The following DTWD1 variants were observed in gnomAD, a reference collection of about 807,000 sequenced individuals.
DTWD1 encodes the protein DTW motif tRNA-uridine aminocarboxypropyltransferase 1.
A neutral mutation model predicts 30.2 loss-of-function variants in DTWD1; 27 were observed. The ratio of observed to expected loss-of-function variants is 0.90; its 90% CI spans 0.66 to 1.23. The LOEUF (loss-of-function observed/expected upper bound fraction) is 1.23. DTWD1 is among the 50% of genes most tolerant of loss of function. DTWD1 has a pLI of 0.00. For missense variants in DTWD1, 342 were observed against 348.8 expected (o/e 0.98, Z 0.15); for synonymous variants, 99 against 113.1 (o/e 0.88, Z 0.79).
chr15:49,624,973 C>A, intron 1 of DTWD1, 140 bp from the exon 2 acceptor site: 1 of 538,158 alleles, frequency 1.9e-6, no homozygotes, highest in Non-Finnish European at 3.2e-6. Flanking sequence ...TTAAAGTGTG[C>A]CAATTTGGTG....
chr15:49,625,702 T>A (rs1163371112), intron 2 of DTWD1, among the ~76,000 whole-genome samples: 1 of 152,194 alleles, frequency 6.6e-6, no homozygotes, highest in Non-Finnish European at 1.5e-5. Flanking sequence ...TGTCCCTGTG[T>A]CCTTCCCTTA....
rs1467852310 is a variant in DTWD1 at position 49,652,754 on chromosome 15, G to A, written c.*9176G>A. On this transcript the variant is annotated 3_prime_UTR_variant, in exon 5 of 5. Transcript: ENST00000403028. ...AGCATACAGGGAGACATAGATCTAT[G>A]TGGAGCAAAGGGTGGATTGTAATAA... 1.3e-5 allele frequency: 2 copies of A among 152,148 alleles called. No homozygotes were observed. Among genetic ancestry groups the A allele is most frequent in the Admixed American group, 6.6e-5 (1 of 15,262 alleles). The allele number at this position is 152,148 out of a possible 1,614,324, so 9.4% of individuals were successfully genotyped here.
intron 4 of DTWD1, among the ~76,000 whole-genome samples, chr15:49,641,315 A>G (rs972801202): frequency 1.9e-4 from 29 of 150,866 alleles, no homozygotes; most frequent in African/African-American, 5.9e-4. Context: ...TCCTATTTCA[A>G]TTATTTTAGA....
chr15:49,654,596 A>C lies in DTWD1; in HGVS notation c.*11018A>C, dbSNP rs1361304068. On this transcript the variant is annotated 3_prime_UTR_variant, in exon 5 of 5. Transcript: ENST00000403028. ...ACCTAGGGAAGAACTGAGATGCCCC[A>C]GTCAATAGCACTGCCTTAGTCAGTT... is the stretch of plus-strand genomic sequence containing the variant. The C allele has an allele frequency of 1.3e-5, 2 of 152,034 alleles. No homozygotes were observed. Among genetic ancestry groups the C allele is most frequent in the African/African-American group, 4.8e-5 (2 of 41,420 alleles). The allele number at this position is 152,034 out of a possible 1,614,324, so 9.4% of individuals were successfully genotyped here.
intron 1 of DTWD1, among the ~76,000 whole-genome samples, chr15:49,623,354 T>C (rs1309299792): frequency 6.6e-6 from 1 of 152,034 alleles, no homozygotes; most frequent in African/African-American, 2.4e-5. Context: ...TAGCTTCGTA[T>C]GTGCAGCAAA....
chr15:49,622,067 C>T (rs902005476), intron 1 of DTWD1, among the ~76,000 whole-genome samples: 19 of 152,122 alleles, frequency 1.2e-4, no homozygotes, highest in Admixed American at 4.6e-4. Flanking sequence ...AGGCTGCAGA[C>T]GGCCCATAAA....
chr15:49,628,125 G>A (rs923660491), intron 2 of DTWD1, among the ~76,000 whole-genome samples: 4 of 151,666 alleles, frequency 2.6e-5, no homozygotes, highest in South Asian at 2.1e-4. Context: ...ACACAAACAC[G>A]TTACCCTAGG....
At chr15:49,640,847 C>T (rs186219905) in intron 4 of DTWD1, among the ~76,000 whole-genome samples, 4 of 152,010 alleles carry the variant, frequency 2.6e-5, no homozygotes, top group African/African-American at 4.8e-5. Flanking sequence ...TGTGGTTCAT[C>T]TTTTCAATTT....
chr15:49,650,301 T>TG lies in DTWD1; in HGVS notation c.*6724dup. ...ATTTAAGCAAATGAGTGACAGGATC[T>TG]GACTTATATTTTTAAAGGATTATTT... On this transcript the variant is annotated 3_prime_UTR_variant, in exon 5 of 5. Transcript: ENST00000403028. 6.6e-6 allele frequency: 1 copy of TG among 152,242 alleles called. No homozygotes were observed. Among genetic ancestry groups the TG allele is most frequent in the Non-Finnish European group, 1.5e-5 (1 of 68,010 alleles). 9.4% of individuals were successfully genotyped at this position (152,242 alleles called of 1,614,324 possible).
At chr15:49,628,521 T>G (rs1207174963) in intron 2 of DTWD1, among the ~76,000 whole-genome samples, 1 of 152,150 alleles carries the variant, frequency 6.6e-6, no homozygotes, top group African/African-American at 2.4e-5. Context: ...ATGGTTACAC[T>G]TCGCTAGGCC....
At chr15:49,634,423 A>G in intron 3 of DTWD1, 113 bp from the exon 4 acceptor site, 1 of 1,241,638 alleles carries the variant, frequency 8.1e-7, no homozygotes, top group South Asian at 1.8e-5. Flanking sequence ...AACCAACCTA[A>G]TGCTTATTTC....
intron 2 of DTWD1, among the ~76,000 whole-genome samples, chr15:49,631,459 A>G (rs1185130845): frequency 1.3e-5 from 2 of 152,136 alleles, no homozygotes; most frequent in Non-Finnish European, 2.9e-5. Context: ...CCAAACTTAC[A>G]TTTCTTTTTA....
At chr15:49,634,896 A>G (rs28671247) in intron 4 of DTWD1, 102 bp downstream of exon 4, 232,346 of 1,064,342 alleles carry the variant, frequency 0.22, 28,985 homozygotes, top group Middle Eastern at 0.27. Context: ...CTGAATACCT[A>G]TACATTTTGC....
At chr15:49,627,545 CATAAT>C (rs923763127) in intron 2 of DTWD1, among the ~76,000 whole-genome samples, 5 of 152,130 alleles carry the variant, frequency 3.3e-5, no homozygotes, top group African/African-American at 1.2e-4. Context: ...GTTGTGCAAA[CATAAT>C]AGAATGTACT....
intron 4 of DTWD1, among the ~76,000 whole-genome samples, chr15:49,642,775 A>G (rs949610792): frequency 6.6e-6 from 1 of 152,018 alleles, no homozygotes; most frequent in Non-Finnish European, 1.5e-5. Flanking sequence ...AAAATAAAAA[A>G]TCTTAGCTGG....
At chr15:49,636,498 G>A (rs905672089) in intron 4 of DTWD1, among the ~76,000 whole-genome samples, 15 of 151,998 alleles carry the variant, frequency 9.9e-5, no homozygotes, top group Middle Eastern at 3.4e-3. Flanking sequence ...AACTCGTCAC[G>A]GTTTATTTCA....
chr15:49,645,384 A>G lies in DTWD1; in HGVS notation c.*1806A>G, dbSNP rs1251958257. ...TCACCATTATATTATGCTATTCATA[A>G]AAAGGAATGTGGATTATATAAGGCT... On this transcript the variant is annotated 3_prime_UTR_variant, in exon 5 of 5. Transcript: ENST00000403028. 1 of 152,172 alleles carries G rather than the reference A, an allele frequency of 6.6e-6. No homozygotes were observed. The highest frequency in any genetic ancestry group is 1.9e-4 in the East Asian group (1 of 5,192). The allele number at this position is 152,172 out of a possible 1,614,324, so 9.4% of individuals were successfully genotyped here. A position where few individuals can be genotyped will look rare whatever the true frequency, so the allele number is the denominator to read the frequency against.
intron 1 of DTWD1, among the ~76,000 whole-genome samples, chr15:49,622,250 T>C (rs1365801707): frequency 6.6e-6 from 1 of 152,190 alleles, no homozygotes; most frequent in African/African-American, 2.4e-5. Flanking sequence ...AGGGGATAGA[T>C]TCACTAAAGT....
intron 2 of DTWD1, chr15:49,631,162 A>C (rs10220846): frequency 0.054 from 9,581 of 176,100 alleles, 726 homozygotes; most frequent in African/African-American, 0.18. Flanking sequence ...CCCTCTCCCC[A>C]AACCCTGGTC....
Sources: gnomAD v4.1 joint callset for allele counts (sites outside exome capture counted in the v4.1 genomes callset) on GRCh38, gnomAD v4.1.1 for gene constraint, MANE v1.5 for transcripts, NCBI Gene and HGNC (gene_info 2026-07-23, HGNC 2026-07-21) for gene names.